The following PCDH9 variants were observed in gnomAD, a reference collection of about 807,000 sequenced individuals.
PCDH9 encodes protocadherin 9, also known as protocadherin-9.
Under a neutral mutation model 70.6 loss-of-function variants are expected in PCDH9, and 24 were observed. The ratio of observed to expected loss-of-function variants is 0.34; its 90% confidence interval spans 0.25 to 0.48. The LOEUF (loss-of-function observed/expected upper bound fraction) is 0.48, where lower values mean the gene tolerates loss of function less well. PCDH9 is among the 20% of genes least tolerant of loss of function. The pLI, the probability that PCDH9 is intolerant of heterozygous loss-of-function variation, is 0.99. For missense variants in PCDH9, 1,281 were observed against 1,503.6 expected, an observed-to-expected ratio of 0.85 and a Z score of 2.45; for synonymous variants, 562 against 558.5, an observed-to-expected ratio of 1.01 and a Z score of -0.09.
chr13:66,456,726 C>A (rs971481266), intron 4 of PCDH9, among the ~76,000 whole-genome samples: 1 of 152,058 alleles, frequency 6.6e-6, no homozygotes, highest in Non-Finnish European at 1.5e-5. Context: ...ACTCTTTCCC[C>A]GTTCTTTCTT....
rs970797928 is a variant in PCDH9, at chr13:66,863,577, C to A, written c.3138+39927G>T. On this transcript the variant is annotated intron_variant, in intron 3 of 4. Coordinates refer to ENST00000377865, the MANE Select transcript of PCDH9 (RefSeq NM_203487.3). Reference sequence around the variant, plus strand: ...CTAGGCTCACTGCAAGTTCCGCCTCCCGGGTTCACGCCATTCTCTTGCCTC... The same window carrying A: ...CTAGGCTCACTGCAAGTTCCGCCTCACGGGTTCACGCCATTCTCTTGCCTC... Among the ~76,000 whole-genome samples the A allele has an allele frequency of 7.2e-5, 11 of 152,072 alleles. 1 individual carries two copies. Among genetic ancestry groups the A allele is most frequent in the Non-Finnish European group, 5.9e-5 (4 of 68,030 alleles).
At position 66,838,870 on chromosome 13, in the gene PCDH9, C is replaced by A. The variant is rs139060713; in HGVS notation, c.3138+64634G>T. Among the ~76,000 whole-genome samples, 58 of 151,888 alleles carry A rather than the reference C, an allele frequency of 3.8e-4. 1 individual carries two copies. The highest frequency in any genetic ancestry group is 1.2e-3 in the African/African-American group (50 of 41,456). ...CAGACTTTTATTCAAAAGGGAGAAA[C>A]GATCACTTTAAAAATAATGTCACTT... On this transcript the variant is annotated intron_variant, in intron 3 of 4. Transcript: ENST00000377865.
At chr13:66,350,562 G>A (rs1367992817) in intron 4 of PCDH9, among the ~76,000 whole-genome samples, 2 of 151,948 alleles carry the variant, frequency 1.3e-5, no homozygotes, top group Non-Finnish European at 2.9e-5. Flanking sequence ...TTCCTTCTCT[G>A]GCTCTCGGTC....
chr13:66,895,039 C>T (rs1020864434), intron 3 of PCDH9, among the ~76,000 whole-genome samples: 2 of 152,056 alleles, frequency 1.3e-5, no homozygotes, highest in Non-Finnish European at 2.9e-5. Context: ...AACTCCTGAC[C>T]TCAAGTGATC....
chr13:66,689,051 T>A (rs2078445041), intron 3 of PCDH9, among the ~76,000 whole-genome samples: 1 of 152,184 alleles, frequency 6.6e-6, no homozygotes, highest in Non-Finnish European at 1.5e-5. Flanking sequence ...ACAGAAATTA[T>A]GCAGTAATAT....
chr13:66,624,586 G>A (rs1322134979), intron 4 of PCDH9, among the ~76,000 whole-genome samples: 1 of 152,130 alleles, frequency 6.6e-6, no homozygotes, highest in Non-Finnish European at 1.5e-5. Context: ...GACATTTGTG[G>A]TTAACAATTT....
chr13:67,098,835 T>C (rs773038670), intron 2 of PCDH9, among the ~76,000 whole-genome samples: 1 of 151,988 alleles, frequency 6.6e-6, no homozygotes, highest in Non-Finnish European at 1.5e-5. Flanking sequence ...GAAAATGATA[T>C]AGTAAAATAG....
intron 4 of PCDH9, among the ~76,000 whole-genome samples, chr13:66,599,194 G>T (rs1224008076): frequency 6.6e-6 from 1 of 151,346 alleles, no homozygotes; most frequent in Non-Finnish European, 1.5e-5. Context: ...AATATAAATT[G>T]AGCTGTATAT....
At chr13:66,791,733 A>G (rs2080167435) in intron 3 of PCDH9, among the ~76,000 whole-genome samples, 1 of 152,166 alleles carries the variant, frequency 6.6e-6, no homozygotes. Context: ...TCAATGGAAA[A>G]AATCGCAATT....
At chr13:66,786,753 T>C (rs1380767107) in intron 3 of PCDH9, among the ~76,000 whole-genome samples, 7 of 152,146 alleles carry the variant, frequency 4.6e-5, no homozygotes, top group African/African-American at 1.7e-4. Flanking sequence ...GCAAACACCT[T>C]GGAAGCCCTG....
At chr13:66,513,945 C>CA (rs1287125840) in intron 4 of PCDH9, among the ~76,000 whole-genome samples, 1 of 152,008 alleles carries the variant, frequency 6.6e-6, no homozygotes, top group Non-Finnish European at 1.5e-5. Context: ...CAGTGACTAA[C>CA]ACTGACTGCA....
intron 4 of PCDH9, among the ~76,000 whole-genome samples, chr13:66,321,081 C>G (rs1052428487): frequency 6.6e-6 from 1 of 151,946 alleles, no homozygotes; most frequent in Non-Finnish European, 1.5e-5. Context: ...ATATACCAGG[C>G]CTTGCTACAC....
chr13:66,585,860 G>C (rs146545509), intron 4 of PCDH9, among the ~76,000 whole-genome samples: 338 of 152,186 alleles, frequency 2.2e-3, no homozygotes, highest in African/African-American at 7.8e-3. Flanking sequence ...AACAAATTCA[G>C]TTTCAGTTTT....
intron 3 of PCDH9, among the ~76,000 whole-genome samples, chr13:66,771,424 C>T (rs987126168): frequency 6.6e-6 from 1 of 151,942 alleles, no homozygotes; most frequent in African/African-American, 2.4e-5. Context: ...CTGTTCTTTT[C>T]GTAAATAGTT....
chr13:67,138,137 A>G (rs925969070), intron 2 of PCDH9, among the ~76,000 whole-genome samples: 6 of 152,138 alleles, frequency 3.9e-5, no homozygotes, highest in Admixed American at 6.6e-5. Context: ...TTTGAATTCT[A>G]TCTTTACTAT....
In PCDH9 at chr13:66,737,644, G is replaced by A. The variant is rs555211693; in HGVS notation, c.3139-106233C>T. ...GCGCAGGCCAGTGGGTGCGCGCACC[G>A]TGCACGAGCCGAAGCCGGGCAAGGC... On this transcript the variant is annotated intron_variant, in intron 3 of 4. Coordinates refer to ENST00000377865, the MANE Select transcript of PCDH9 (RefSeq NM_203487.3). Among the ~76,000 whole-genome samples the A allele has an allele frequency of 7.3e-4, 111 of 152,322 alleles. 1 individual carries two copies. The highest frequency in any genetic ancestry group is 2.1e-3 in the African/African-American group (89 of 41,582).
intron 3 of PCDH9, among the ~76,000 whole-genome samples, chr13:66,699,923 AT>A (rs34236970): frequency 0.32 from 47,813 of 149,406 alleles, 8,339 homozygotes; most frequent in East Asian, 0.52. Flanking sequence ...CGTTAGGCTG[AT>A]TTTTTTTTTT....
At chr13:66,779,383 C>A (rs1032750563) in intron 3 of PCDH9, among the ~76,000 whole-genome samples, 1 of 152,122 alleles carries the variant, frequency 6.6e-6, no homozygotes, top group East Asian at 1.9e-4. Context: ...GACATGCATA[C>A]AATGGGATCT....
intron 2 of PCDH9, among the ~76,000 whole-genome samples, chr13:66,991,273 T>C (rs2083997027): frequency 6.6e-6 from 1 of 151,826 alleles, no homozygotes; most frequent in Non-Finnish European, 1.5e-5. Flanking sequence ...TAGAGAAGAG[T>C]AGATGAGACA....
Sources: allele counts gnomAD v4.1 joint callset (sites outside exome capture counted in the v4.1 genomes callset), GRCh38; gene constraint gnomAD v4.1.1; transcripts MANE v1.5; gene names NCBI Gene and HGNC (gene_info 2026-07-23, HGNC 2026-07-21).